Variants in KPNA1 observed in about 807,000 individuals in gnomAD.
KPNA1 encodes the protein importin subunit alpha-5.
KPNA1 carries 10 observed loss-of-function variants against 70.5 expected under a neutral mutation model. The observed-to-expected ratio is 0.14, with a 90% CI of 0.09 to 0.24. The LOEUF is 0.24. Ranked by LOEUF, KPNA1 falls within the 10% of genes least tolerant of loss-of-function variation. KPNA1 has a pLI of 1.00. For missense variants in KPNA1, 397 were observed against 637.9 expected (o/e 0.62, Z 4.07); for synonymous variants, 192 against 221.9 (o/e 0.87, Z 1.20).
chr3:122,465,894 T>G (rs894270274), intron 3 of KPNA1, among the ~76,000 whole-genome samples: 4 of 152,258 alleles, frequency 2.6e-5, no homozygotes, highest in African/African-American at 9.6e-5. Context: ...AGTGGGCCAG[T>G]GTGCCCTACA....
intron 12 of KPNA1, among the ~76,000 whole-genome samples, chr3:122,428,353 TA>T (rs912048226): frequency 6.6e-6 from 1 of 152,242 alleles, no homozygotes; most frequent in African/African-American, 2.4e-5. Flanking sequence ...GAGGCAGGGA[TA>T]ATGAATCCAG....
chr3:122,487,720 CAG>C (rs1188879671), intron 2 of KPNA1, among the ~76,000 whole-genome samples: 1 of 151,974 alleles, frequency 6.6e-6, no homozygotes, highest in African/African-American at 2.4e-5. Flanking sequence ...ATCATGGAAA[CAG>C]AAAGTAGAAT....
intron 10 of KPNA1, among the ~76,000 whole-genome samples, chr3:122,437,671 T>A (rs1296028448): frequency 6.6e-6 from 1 of 152,160 alleles, no homozygotes; most frequent in Admixed American, 6.6e-5. Context: ...ACACACTACT[T>A]GGTAGTCAAT....
intron 6 of KPNA1, 60 bp from the exon 7 acceptor site, chr3:122,452,124 A>G: frequency 1.9e-6 from 2 of 1,065,786 alleles, no homozygotes; most frequent in South Asian, 1.3e-5. Context: ...TAATTCTTTC[A>G]GATGCCAGTA....
chr3:122,427,472 T>C lies in KPNA1; in HGVS notation c.1429+66A>G, dbSNP rs1303749853. ...GTGCCTAGCAGTAGTAGTATTGTTT[T>C]TACTGAACTCTATCTATGACCCAAT... On this transcript the variant is annotated intron_variant, in intron 13 of 13. Transcript: ENST00000344337. 3.4e-6 allele frequency: 5 copies of C among 1,477,338 alleles called. No individual in the cohort carries two copies. In the African/African-American group the frequency reaches 7.0e-5, roughly 21 times the overall value. 91.5% of individuals were successfully genotyped at this position (1,477,338 alleles called of 1,614,324 possible). A position where few individuals can be genotyped will look rare whatever the true frequency, so the allele number is the denominator to read the frequency against.
rs1436820822 is a variant in KPNA1, at chr3:122,512,451, G to C, written c.-6+2306C>G. Among the ~76,000 whole-genome samples the C allele has an allele frequency of 2.0e-5, 3 of 152,240 alleles. No homozygotes were observed. In the East Asian group the frequency reaches 5.8e-4, roughly 29 times the overall value. On this transcript the variant is annotated intron_variant, in intron 1 of 13. Transcript: ENST00000344337. ...AAGTAACATAATGCGGCTGGGCGCG[G>C]TGGCTCATGCCTGTAATCCTAGAAC... is the stretch of plus-strand genomic sequence containing the variant.
At chr3:122,487,936 TAAG>T (rs1187891438) in intron 2 of KPNA1, among the ~76,000 whole-genome samples, 1 of 152,152 alleles carries the variant, frequency 6.6e-6, no homozygotes, top group Non-Finnish European at 1.5e-5. Flanking sequence ...TTAAAACAGT[TAAG>T]AGACAGCACC....
In KPNA1 at chr3:122,478,172, A is replaced by G. The variant is rs113559338; in HGVS notation, c.130-10743T>C. Among the ~76,000 whole-genome samples, 112 of 148,376 alleles carry G rather than the reference A, an allele frequency of 7.5e-4. No homozygotes were observed. The South Asian group carries it at 0.013, about 17-fold the overall frequency. On this transcript the variant is annotated intron_variant, in intron 2 of 13. Transcript: ENST00000344337. ...CGAGATGCTGTCTCAAAAAAAAAAA[A>G]AAAAGAAAAGAAAAAGAAAAAGAAA...
chr3:122,448,564 C>T (rs1374294483), intron 9 of KPNA1, among the ~76,000 whole-genome samples: 3 of 151,828 alleles, frequency 2.0e-5, no homozygotes, highest in East Asian at 1.9e-4. Flanking sequence ...GGACACAGGG[C>T]GGGGAACATC....
At chr3:122,428,229 G>A (rs756580152) in intron 12 of KPNA1, among the ~76,000 whole-genome samples, 2 of 152,112 alleles carry the variant, frequency 1.3e-5, no homozygotes, top group Admixed American at 6.5e-5. Flanking sequence ...ATGTATAACC[G>A]TATGTAATCA....
At chr3:122,481,000 C>G (rs1352438516) in intron 2 of KPNA1, among the ~76,000 whole-genome samples, 2 of 152,138 alleles carry the variant, frequency 1.3e-5, no homozygotes, top group Admixed American at 6.6e-5. Flanking sequence ...AAAAAGATAA[C>G]AAGTGTTCCA....
chr3:122,484,276 A>G (rs73855778), intron 2 of KPNA1, among the ~76,000 whole-genome samples: 2,856 of 152,342 alleles, frequency 0.019, 97 homozygotes, highest in African/African-American at 0.065. Context: ...TACAATACAC[A>G]GCTTTTTAGA....
chr3:122,459,481 A>T, intron 5 of KPNA1: 1 of 985,376 alleles, frequency 1.0e-6, no homozygotes, highest in South Asian at 4.7e-5. Flanking sequence ...AACTGCAGTA[A>T]GGTTCCTCAT....
intron 5 of KPNA1, chr3:122,460,155 G>T: frequency 1.0e-6 from 1 of 985,050 alleles, no homozygotes; most frequent in African/African-American, 1.7e-5. Flanking sequence ...AGATCCTACA[G>T]GTGAGAATTT....
intron 9 of KPNA1, among the ~76,000 whole-genome samples, chr3:122,443,883 C>T (rs2076099174): frequency 6.6e-6 from 1 of 151,908 alleles, no homozygotes; most frequent in African/African-American, 2.4e-5. Flanking sequence ...CACTGTACAC[C>T]CATTGTCACT....
rs570595193 is a variant in KPNA1, at chr3:122,439,788, G to A, written c.996+2250C>T. On this transcript the variant is annotated intron_variant, in intron 10 of 13. Transcript: ENST00000344337. The stretch of plus-strand genomic sequence containing the variant: ...AGGACCAAAAGTACGTAATTTGATG[G>A]GGATCTAGTAACAATAACAATCAAG... 3.1e-4 allele frequency among the ~76,000 whole-genome samples: 47 copies of A among 152,146 alleles called. 1 individual carries two copies. In the South Asian group the frequency reaches 9.7e-3, roughly 32 times the overall value.
intron 2 of KPNA1, among the ~76,000 whole-genome samples, chr3:122,476,881 A>AAAAAAAAAAAAAAAAAAAAAAAAAAAAAG (rs1560042634): frequency 6.7e-6 from 1 of 149,930 alleles, no homozygotes. Flanking sequence ...AAAAAAAAAA[A>AAAAAAAAAAAAAAAAAAAAAAAAAAAAAG]AAACTAAAAA....
At chr3:122,444,103 G>A (rs1332381663) in intron 9 of KPNA1, among the ~76,000 whole-genome samples, 2 of 152,192 alleles carry the variant, frequency 1.3e-5, no homozygotes, top group Non-Finnish European at 2.9e-5. Flanking sequence ...TCTTTTCCCA[G>A]GGCTGTTCCT....
intron 2 of KPNA1, among the ~76,000 whole-genome samples, chr3:122,474,110 C>G (rs1280744366): frequency 6.6e-6 from 1 of 152,024 alleles, no homozygotes; most frequent in Non-Finnish European, 1.5e-5. Flanking sequence ...ATTACACTCC[C>G]CAAAAAACAG....
Sources: allele counts gnomAD v4.1 joint callset (sites outside exome capture counted in the v4.1 genomes callset), GRCh38; gene constraint gnomAD v4.1.1; transcripts MANE v1.5; gene names NCBI Gene and HGNC (gene_info 2026-07-23, HGNC 2026-07-21).